The following HERC4 variants were observed in gnomAD, a reference collection of about 807,000 sequenced individuals.
HERC4 encodes the protein HECT and RLD domain containing E3 ubiquitin protein ligase 4.
HERC4 carries 28 observed loss-of-function variants against 124.3 expected under a neutral mutation model. That is an observed-to-expected ratio of 0.23 (90% CI 0.17 to 0.31). The LOEUF (loss-of-function observed/expected upper bound fraction) is 0.31. Among genes scored for constraint, HERC4 ranks in the 10% least tolerant of loss-of-function variants. The probability of loss-of-function intolerance (pLI) is 1.00; values close to 1 mark genes in which losing one functional copy is unlikely to be tolerated. For missense variants in HERC4, 713 were observed against 1,229.3 expected, an observed-to-expected ratio of 0.58 and a Z score of 6.28; for synonymous variants, 407 against 421.5, an observed-to-expected ratio of 0.97 and a Z score of 0.42.
At position 67,943,791 on chromosome 10, in the gene HERC4, C is replaced by G. The variant is rs545935405; in HGVS notation, c.2338-2686G>C. Among the ~76,000 whole-genome samples, 8 of 152,346 alleles carry G rather than the reference C, an allele frequency of 5.3e-5. No individual in the cohort carries two copies. In the East Asian group the frequency reaches 1.3e-3, roughly 26 times the overall value. On this transcript the variant is annotated intron_variant, in intron 19 of 24. Coordinates refer to ENST00000373700, the MANE Select transcript of HERC4 (RefSeq NM_015601.4). ...CCAGGGTTACAACCTTTCTTGAAAA[C>G]CCAAAGGATAAAAAAACCAACATAT...
chr10:67,956,613 G>A (rs2034157139), intron 17 of HERC4: 1 of 237,406 alleles, frequency 4.2e-6, no homozygotes, highest in African/African-American at 2.3e-5. Context: ...GGTTTATAAA[G>A]ATTGAATATT....
chr10:68,016,237 A>G (rs1328703888), intron 8 of HERC4, among the ~76,000 whole-genome samples: 1 of 152,118 alleles, frequency 6.6e-6, no homozygotes, highest in Non-Finnish European at 1.5e-5. Flanking sequence ...TGGAATGTAA[A>G]CCTTTTTCTT....
intron 3 of HERC4, among the ~76,000 whole-genome samples, chr10:68,051,581 A>G (rs371824618): frequency 1.4e-4 from 21 of 151,200 alleles, no homozygotes; most frequent in African/African-American, 4.9e-4. Context: ...GGATGGTCTT[A>G]ATCTCCTGAC....
At chr10:67,933,755 C>A (rs561413920) in intron 22 of HERC4, among the ~76,000 whole-genome samples, 2 of 152,268 alleles carry the variant, frequency 1.3e-5, no homozygotes, top group African/African-American at 2.4e-5. Flanking sequence ...TTACTGAGCA[C>A]TACATGTGCT....
intron 22 of HERC4, among the ~76,000 whole-genome samples, chr10:67,933,335 G>C (rs2032021516): frequency 6.6e-6 from 1 of 152,046 alleles, no homozygotes; most frequent in Admixed American, 6.5e-5. Flanking sequence ...TCAAATGTAC[G>C]TGTGAATACA....
At chr10:68,013,835 T>C (rs1394156524) in intron 9 of HERC4, among the ~76,000 whole-genome samples, 191 bp downstream of exon 9, 1 of 152,186 alleles carries the variant, frequency 6.6e-6, no homozygotes, top group South Asian at 2.1e-4. Flanking sequence ...CTTTTACTTA[T>C]CCAGAATTTC....
Position 67,996,007 on chromosome 10 carries a change from T to C in HERC4, c.1070-3325A>G, listed in dbSNP as rs180911747. 1.7e-3 allele frequency: 521 copies of C among 307,960 alleles called. 1 individual carries two copies. Among genetic ancestry groups the C allele is most frequent in the African/African-American group, 0.011 (494 of 43,672 alleles). The allele number at this position is 307,960 out of a possible 1,614,324, so 19.1% of individuals were successfully genotyped here. ...GCCACTCTTTCTCTATCTGAAAGTG[T>C]CCTTAAAATTCCTCTCCGCTGGGCA... is the stretch of plus-strand genomic sequence containing the variant. On this transcript the variant is annotated intron_variant, in intron 9 of 24. Transcript: ENST00000373700.
intron 3 of HERC4, chr10:68,069,732 T>TG: frequency 1.1e-5 from 11 of 985,508 alleles, no homozygotes; most frequent in Non-Finnish European, 1.2e-5. Context: ...ATGTGCTTTC[T>TG]GACACAAGTT....
At chr10:68,041,451 T>C (rs954431756) in intron 4 of HERC4, among the ~76,000 whole-genome samples, 3 of 152,154 alleles carry the variant, frequency 2.0e-5, no homozygotes, top group African/African-American at 7.2e-5. Context: ...ATGCTAAAAT[T>C]AGGCAGGAAT....
intron 15 of HERC4, among the ~76,000 whole-genome samples, chr10:67,976,711 T>C (rs1051977181): frequency 1.3e-5 from 2 of 152,106 alleles, no homozygotes; most frequent in African/African-American, 2.4e-5. Flanking sequence ...GGCAGAGGCA[T>C]TGTGGTGCAG....
intron 19 of HERC4, among the ~76,000 whole-genome samples, chr10:67,945,931 G>A (rs905278252): frequency 2.0e-5 from 3 of 151,212 alleles, no homozygotes; most frequent in Non-Finnish European, 4.4e-5. Flanking sequence ...GGAAGAAGGA[G>A]GAAGGAAGGG....
chr10:68,023,048 T>C (rs1179920229), intron 8 of HERC4, among the ~76,000 whole-genome samples: 1 of 151,228 alleles, frequency 6.6e-6, no homozygotes, highest in African/African-American at 2.4e-5. Flanking sequence ...ATAACAGTGT[T>C]GGTGAGGATG....
chr10:68,059,720 A>ATATATTAT (rs2040838440), intron 3 of HERC4, among the ~76,000 whole-genome samples: 1 of 47,830 alleles, frequency 2.1e-5, no homozygotes, highest in Non-Finnish European at 2.7e-5. Flanking sequence ...TCATAATATT[A>ATATATTAT]TATATTATAT....
intron 8 of HERC4, among the ~76,000 whole-genome samples, chr10:68,014,771 G>C (rs2038165117): frequency 6.6e-6 from 1 of 152,150 alleles, no homozygotes; most frequent in Non-Finnish European, 1.5e-5. Context: ...TGAAGCTAAG[G>C]ATGACCCACC....
At chr10:68,025,808 C>G in intron 7 of HERC4, 132 bp from the exon 8 acceptor site, 1 of 746,500 alleles carries the variant, frequency 1.3e-6, no homozygotes, top group Non-Finnish European at 2.0e-6. Flanking sequence ...CACAATTTAA[C>G]AGACAGATGG....
intron 4 of HERC4, among the ~76,000 whole-genome samples, chr10:68,042,430 G>C (rs1163833329): frequency 1.3e-5 from 2 of 152,208 alleles, no homozygotes; most frequent in African/African-American, 4.8e-5. Context: ...TTTAAGACCA[G>C]CTGGGCAACA....
intron 15 of HERC4, among the ~76,000 whole-genome samples, chr10:67,972,713 C>A (rs2132524309): frequency 6.6e-6 from 1 of 152,108 alleles, no homozygotes; most frequent in South Asian, 2.1e-4. Flanking sequence ...AACTACCAAG[C>A]ACTGCTGAGA....
chr10:67,967,016 G>A (rs192647430), intron 15 of HERC4, among the ~76,000 whole-genome samples: 98 of 152,224 alleles, frequency 6.4e-4, no homozygotes, highest in African/African-American at 1.7e-3. Context: ...CATCATGACC[G>A]GCTAATTTTT....
At chr10:67,967,007 A>G (rs1008927608) in intron 15 of HERC4, among the ~76,000 whole-genome samples, 5 of 152,134 alleles carry the variant, frequency 3.3e-5, no homozygotes, top group Non-Finnish European at 7.4e-5. Flanking sequence ...AGCACCCGCC[A>G]TCATGACCGG....
Sources: gnomAD v4.1 joint callset for allele counts (sites outside exome capture counted in the v4.1 genomes callset) on GRCh38, gnomAD v4.1.1 for gene constraint, MANE v1.5 for transcripts, NCBI Gene and HGNC (gene_info 2026-07-23, HGNC 2026-07-21) for gene names.